MOB4: variants seen among roughly 807,000 people sequenced by gnomAD.
The protein encoded by MOB4 is MOB family member 4, phocein, also known as MOB-like protein phocein.
In MOB4, 4 loss-of-function variants were observed where a neutral mutation model predicts 32.2. The ratio of observed to expected loss-of-function variants is 0.12; its 90% CI spans 0.06 to 0.28. The LOEUF is 0.28. MOB4 is among the 10% of genes least tolerant of loss of function. The pLI, the probability that MOB4 is intolerant of heterozygous loss-of-function variation, is 1.00. For synonymous variants in MOB4, 88 were observed against 88.1 expected (o/e 1.00, Z 0.01); for missense variants, 158 against 271.2 (o/e 0.58, Z 2.93).
In MOB4 at chr2:197,540,074, T is replaced by C. The variant is rs747466754; in HGVS notation, c.225-37T>C. On this transcript the variant is annotated intron_variant, in intron 3 of 7. Transcript: ENST00000323303. ...ATATTCTAAAAATTGCTGTGAAGAA[T>C]AGATATGACTTTTTATTTATGTATT... 8 of 1,571,506 alleles carry C rather than the reference T, an allele frequency of 5.1e-6. No individual in the cohort carries two copies. The African/African-American group carries it at 9.5e-5, about 19-fold the overall frequency.
In MOB4 at chr2:197,516,090, G is replaced by C; in HGVS notation, c.4G>C (p.Val2Leu). 6.3e-7 allele frequency: 1 copy of C among 1,597,780 alleles called. No individual in the cohort carries two copies. Residue 2 changes from valine to leucine, a missense_variant, in exon 1 of 8, where the codon GTC becomes CTC. Val to Leu is a conservative substitution (Grantham distance 32, BLOSUM62 1). Around this residue, in one of 6 missense-constraint regions of MOB4, gnomAD observed 41 missense variants for 26.4 expected, o/e 1.55. Coordinates refer to ENST00000323303, the MANE Select transcript of MOB4 (RefSeq NM_015387.5). The part of the protein sequence containing the change: M[V>L]MAEGTAVLRR... ...CAGCCGCCTAGACGCTGGCACTATG[G>C]TCATGGCGGAGGGGACGGCAGTGCT...
chr2:197,520,295 C>T (rs2086492170), intron 1 of MOB4, among the ~76,000 whole-genome samples: 3 of 151,842 alleles, frequency 2.0e-5, no homozygotes, highest in South Asian at 2.1e-4. Flanking sequence ...CCCACCACCA[C>T]GCCTGGCTAA....
At chr2:197,540,672 T>C (rs1192237322) in intron 5 of MOB4, among the ~76,000 whole-genome samples, 1 of 152,246 alleles carries the variant, frequency 6.6e-6, no homozygotes, top group Non-Finnish European at 1.5e-5. Context: ...ATCCACTGGC[T>C]ATTACGGATT....
chr2:197,521,194 G>T (rs994875235), intron 1 of MOB4, among the ~76,000 whole-genome samples: 2 of 152,144 alleles, frequency 1.3e-5, no homozygotes, highest in African/African-American at 4.8e-5. Flanking sequence ...AAGGGACAGA[G>T]TACAAAAGAG....
chr2:197,518,372 C>T (rs1328124728), intron 1 of MOB4, among the ~76,000 whole-genome samples: 30 of 151,754 alleles, frequency 2.0e-4, no homozygotes, highest in African/African-American at 6.8e-4. Context: ...CGAGTTCAAG[C>T]GATTCTTCTG....
At chr2:197,522,136 C>A (rs952330025) in intron 1 of MOB4, among the ~76,000 whole-genome samples, 1 of 152,060 alleles carries the variant, frequency 6.6e-6, no homozygotes, top group African/African-American at 2.4e-5. Flanking sequence ...TGGTTTCAGC[C>A]GGTCCCTCAG....
chr2:197,516,192 G>A, intron 1 of MOB4, 46 bp downstream of exon 1: 1 of 1,560,614 alleles, frequency 6.4e-7, no homozygotes, highest in Non-Finnish European at 8.7e-7. Flanking sequence ...GTGCCGAGCA[G>A]TGCTGCGCCC....
intron 3 of MOB4, among the ~76,000 whole-genome samples, chr2:197,538,593 A>G (rs2086844039): frequency 2.0e-5 from 3 of 152,194 alleles, no homozygotes; most frequent in African/African-American, 7.2e-5. Context: ...ACTGGAATGT[A>G]GGCTGGATTC....
intron 1 of MOB4, among the ~76,000 whole-genome samples, chr2:197,523,384 C>G (rs2086555744): frequency 6.6e-6 from 1 of 152,098 alleles, no homozygotes; most frequent in Non-Finnish European, 1.5e-5. Context: ...TTGCTTACAC[C>G]CAGGAGTTTG....
chr2:197,541,303 T>C (rs2086891450), intron 5 of MOB4, among the ~76,000 whole-genome samples: 1 of 152,228 alleles, frequency 6.6e-6, no homozygotes, highest in Non-Finnish European at 1.5e-5. Flanking sequence ...GGGTTGTTTA[T>C]GCATTGCTTT....
chr2:197,540,450 G>T lies in MOB4; in HGVS notation c.354+13G>T. 2 of 1,561,330 alleles carry T rather than the reference G, an allele frequency of 1.3e-6. No individual in the cohort carries two copies. The highest frequency in any genetic ancestry group is 2.5e-5 in the South Asian group (2 of 80,446). On this transcript the variant is annotated intron_variant, in intron 5 of 7. Coordinates refer to ENST00000323303, the MANE Select transcript of MOB4 (RefSeq NM_015387.5). ...AACTCCAAAAGAGGTGAGGATTTAT[G>T]AAATAGAGTAACTAATAAAATTATT...
chr2:197,540,090 T>C, intron 3 of MOB4, 21 bp from the exon 4 acceptor site: 2 of 1,589,340 alleles, frequency 1.3e-6, no homozygotes, highest in Non-Finnish European at 1.7e-6. Flanking sequence ...TGACTTTTTA[T>C]TTATGTATTT....
chr2:197,516,302 A>C, intron 1 of MOB4, 156 bp downstream of exon 1: 6 of 1,429,904 alleles, frequency 4.2e-6, no homozygotes, highest in East Asian at 2.8e-5. Flanking sequence ...CAGCCCCTCA[A>C]TTTGGCTGAG....
upstream of MOB4, chr2:197,515,753 CCAACGTGCAACGCAGCCGTGCA>C: frequency 2.7e-6 from 1 of 376,698 alleles, no homozygotes; most frequent in African/African-American, 2.2e-5. Flanking sequence ...AGAGCCCATA[CCAACGTGCAACGCAGCCGTGCA>C]CACTGCCGCA....
In MOB4 at chr2:197,516,141, G is replaced by A. The variant is rs1275954865; in HGVS notation, c.55G>A (p.Ala19Thr). 6.2e-7 allele frequency: 1 copy of A among 1,603,072 alleles called. No individual in the cohort carries two copies. Among genetic ancestry groups the A allele is most frequent in the Admixed American group, 1.7e-5 (1 of 58,248 alleles). ...GAGGCGGAACAGGCCGGGCACCAAG[G>A]CGCAGGTACCATGTCTGCACTTTTC... ...VLRRNRPGTK[A>T]QDFYNWPDES... The change falls in exon 1 of 8, where the codon GCG (alanine) becomes ACG (threonine). Residue 19 changes from alanine to threonine, a missense_variant. Physicochemically the swap from Ala to Thr is moderately conservative, Grantham distance 58. Coordinates refer to ENST00000323303, the MANE Select transcript of MOB4 (RefSeq NM_015387.5).
intron 7 of MOB4, 47 bp from the exon 8 acceptor site, chr2:197,550,468 G>A (rs2087078599): frequency 3.2e-6 from 5 of 1,581,132 alleles, no homozygotes. Flanking sequence ...TAGTCTTTTA[G>A]TTTGGGATAG....
chr2:197,525,161 T>C (rs1381791228), intron 2 of MOB4, among the ~76,000 whole-genome samples: 1 of 151,820 alleles, frequency 6.6e-6, no homozygotes, highest in Non-Finnish European at 1.5e-5. Context: ...CTGGCTAACA[T>C]GGTGAAACCC....
At chr2:197,517,448 TTTACA>T (rs2086434506) in intron 1 of MOB4, among the ~76,000 whole-genome samples, 1 of 152,256 alleles carries the variant, frequency 6.6e-6, no homozygotes. Context: ...CTCAGATACC[TTTACA>T]TCTTATTCTG....
chr2:197,547,639 G>A (rs2087020796), intron 5 of MOB4, among the ~76,000 whole-genome samples: 1 of 152,198 alleles, frequency 6.6e-6, no homozygotes, highest in South Asian at 2.1e-4. Context: ...TTACTGGGTA[G>A]AGTCTTTGAG....
Sources: gnomAD v4.1 joint callset for allele counts (sites outside exome capture counted in the v4.1 genomes callset) on GRCh38, gnomAD v4.1.1 for gene constraint, gnomAD v4.1.1 regional missense constraint, MANE v1.5 for transcripts, NCBI Gene and HGNC (gene_info 2026-07-23, HGNC 2026-07-21) for gene names.